The following SLC7A2 variants were observed in gnomAD, a reference collection of about 807,000 sequenced individuals.
SLC7A2 encodes the protein solute carrier family 7 member 2, also known as cationic amino acid transporter 2.
Under a neutral mutation model 58.9 loss-of-function variants are expected in SLC7A2, and 48 were observed. That is an observed-to-expected ratio of 0.82 (90% confidence interval 0.65 to 1.04). The LOEUF is 1.04. Ranked by LOEUF, SLC7A2 falls within the 50% of genes least tolerant of loss-of-function variation. The pLI, the probability that SLC7A2 is intolerant of heterozygous loss-of-function variation, is 0.00. For synonymous variants in SLC7A2, 363 were observed against 314.5 expected (o/e 1.15, Z -1.63); for missense variants, 1,029 against 818.8 (o/e 1.26, Z -3.13).
At chr8:17,500,868 A>G (rs947007898) in intron 1 of SLC7A2, among the ~76,000 whole-genome samples, 5 of 151,996 alleles carry the variant, frequency 3.3e-5, no homozygotes, top group African/African-American at 1.2e-4. Context: ...GTAGGAGTTC[A>G]TTTCCATCAG....
At chr8:17,517,437 T>G (rs1373469750) in intron 2 of SLC7A2, among the ~76,000 whole-genome samples, 1 of 152,196 alleles carries the variant, frequency 6.6e-6, no homozygotes, top group African/African-American at 2.4e-5. Context: ...AATTGTAAAA[T>G]GCACACAAGT....
At chr8:17,528,376 C>T (rs903822257) in intron 2 of SLC7A2, among the ~76,000 whole-genome samples, 4 of 151,946 alleles carry the variant, frequency 2.6e-5, no homozygotes, top group South Asian at 4.2e-4. Context: ...GTGGCCATTA[C>T]GCTTTTTTTG....
chr8:17,561,941 C>T lies in SLC7A2; in HGVS notation c.1505-3C>T, dbSNP rs747004476. Reference sequence around the variant, plus strand: ...ACTCTGTTATCTACACATCCCCCTGCAGCTTTCCTCGTGTTGGGCCTGAGT... The same window carrying T: ...ACTCTGTTATCTACACATCCCCCTGTAGCTTTCCTCGTGTTGGGCCTGAGT... On this transcript the variant is annotated splice_polypyrimidine_tract_variant and splice_region_variant and intron_variant, in intron 10 of 12. Coordinates refer to ENST00000494857, the MANE Select transcript of SLC7A2 (RefSeq NM_001370338.1). 2.5e-6 allele frequency: 4 copies of T among 1,613,760 alleles called. No homozygotes were observed. In the African/African-American group the frequency reaches 5.3e-5, roughly 22 times the overall value.
intron 2 of SLC7A2, among the ~76,000 whole-genome samples, chr8:17,527,853 T>G (rs34999000): frequency 6.6e-5 from 10 of 152,152 alleles, no homozygotes; most frequent in Non-Finnish European, 1.3e-4. Context: ...CTTCAGCATA[T>G]TTTTCTGGAT....
At chr8:17,563,748 A>G in intron 12 of SLC7A2, 37 bp downstream of exon 12, 2 of 1,199,252 alleles carry the variant, frequency 1.7e-6, no homozygotes, top group South Asian at 1.3e-5. Flanking sequence ...TTCCTATTTC[A>G]TGTGCTGTGA....
At chr8:17,525,024 A>G (rs1208341584) in intron 2 of SLC7A2, among the ~76,000 whole-genome samples, 2 of 152,168 alleles carry the variant, frequency 1.3e-5, no homozygotes, top group African/African-American at 4.8e-5. Flanking sequence ...ACAGAGTTGT[A>G]ATCTAACACA....
chr8:17,500,633 A>T (rs1800115774), intron 1 of SLC7A2: 1 of 152,246 alleles, frequency 6.6e-6, no homozygotes, highest in Non-Finnish European at 1.5e-5. Context: ...AAATAAAAAT[A>T]CAAAAATTAG....
In SLC7A2 at chr8:17,567,957, A is replaced by C. The variant is rs1803341188; in HGVS notation, c.*2811A>C. 6.6e-6 allele frequency: 1 copy of C among 152,114 alleles called. No homozygotes were observed. The highest frequency in any genetic ancestry group is 1.5e-5 in the Non-Finnish European group (1 of 68,030). 9.4% of individuals were successfully genotyped at this position (152,114 alleles called of 1,614,324 possible). A position where few individuals can be genotyped will look rare whatever the true frequency, so the allele number is the denominator to read the frequency against. On this transcript the variant is annotated 3_prime_UTR_variant, in exon 13 of 13. Coordinates refer to ENST00000494857, the MANE Select transcript of SLC7A2 (RefSeq NM_001370338.1). ...TGGTAGGTGTTTATTAGCAAAAGTC[A>C]GTATCACCAGCTCTTTGGCACCTTT...
chr8:17,506,592 C>A (rs575782764), intron 2 of SLC7A2, among the ~76,000 whole-genome samples: 2 of 152,172 alleles, frequency 1.3e-5, no homozygotes, highest in Admixed American at 1.3e-4. Context: ...CATTTTAGAA[C>A]GCTCTTTTTA....
intron 7 of SLC7A2, among the ~76,000 whole-genome samples, chr8:17,552,238 T>A (rs1802489406): frequency 6.6e-6 from 1 of 151,380 alleles, no homozygotes; most frequent in African/African-American, 2.4e-5. Flanking sequence ...ATGGCATTGA[T>A]ACACACAGAC....
intron 10 of SLC7A2, among the ~76,000 whole-genome samples, chr8:17,561,327 C>T (rs1199360488): frequency 6.6e-6 from 1 of 152,094 alleles, no homozygotes; most frequent in African/African-American, 2.4e-5. Context: ...GCGAAAGGCA[C>T]ATCTTAACAT....
At chr8:17,557,672 A>T (rs1246876493) in intron 8 of SLC7A2, among the ~76,000 whole-genome samples, 1 of 151,116 alleles carries the variant, frequency 6.6e-6, no homozygotes. Context: ...TACGAAAAAT[A>T]CAAAAATTAG....
chr8:17,504,199 T>C (rs1395239160), intron 2 of SLC7A2, among the ~76,000 whole-genome samples: 4 of 152,170 alleles, frequency 2.6e-5, no homozygotes, highest in Admixed American at 2.6e-4. Flanking sequence ...GCTGAGTGTT[T>C]AGTGAGCCTC....
chr8:17,520,313 C>T (rs1023222601), intron 2 of SLC7A2, among the ~76,000 whole-genome samples: 2 of 151,944 alleles, frequency 1.3e-5, no homozygotes, highest in Non-Finnish European at 2.9e-5. Context: ...TGTATATATA[C>T]ATAAAATGCA....
chr8:17,513,913 A>C (rs1228909441), intron 2 of SLC7A2, among the ~76,000 whole-genome samples: 1 of 152,232 alleles, frequency 6.6e-6, no homozygotes, highest in Non-Finnish European at 1.5e-5. Context: ...TTCTACCTCT[A>C]AAAAAGTAGC....
rs762856452 is a variant in SLC7A2 at position 17,554,579 on chromosome 8, C to G, written c.1075C>G (p.Pro359Ala). The part of the protein sequence containing the change: ...LSTSLLGSIF[P>A]MPRVIYAMAE... The stretch of plus-strand genomic sequence containing the variant: ...ATTCAGTCTTCTTGGATCCATTTTC[C>G]CAATGCCTCGTGTAATCTATGCTAT... The change falls in exon 8 of 13, where the codon CCA becomes GCA. Residue 359 changes from proline (P) to alanine (A), a missense_variant. By Grantham distance (27) the Pro-to-Ala change is conservative. Coordinates refer to ENST00000494857, the MANE Select transcript of SLC7A2 (RefSeq NM_001370338.1). The G allele has an allele frequency of 6.2e-7, 1 of 1,602,770 alleles. No individual in the cohort carries two copies. The highest frequency in any genetic ancestry group is 8.5e-7 in the Non-Finnish European group (1 of 1,176,672).
At position 17,543,367 on chromosome 8, in the gene SLC7A2, T is replaced by A; in HGVS notation, c.28T>A (p.Phe10Ile). 6.2e-7 allele frequency: 1 copy of A among 1,614,028 alleles called. No homozygotes were observed. The highest frequency in any genetic ancestry group is 8.5e-7 in the Non-Finnish European group (1 of 1,179,976). Residue 10 changes from phenylalanine to isoleucine, a missense_variant, in exon 3 of 13, where the codon TTT becomes ATT. Physicochemically the swap from Phe to Ile is conservative, Grantham distance 21. Coordinates refer to ENST00000494857, the MANE Select transcript of SLC7A2 (RefSeq NM_001370338.1). The stretch of plus-strand genomic sequence containing the variant: ...GATTCCTTGCAGAGCCGCGCTGACC[T>A]TTGCCCGATGTCTGATCCGGAGAAA... Reference protein sequence around the residue: MIPCRAALTFARCLIRRKIV... With the variant: MIPCRAALTIARCLIRRKIV...
At chr8:17,530,418 G>A (rs1801400757) in intron 2 of SLC7A2, among the ~76,000 whole-genome samples, 1 of 152,134 alleles carries the variant, frequency 6.6e-6, no homozygotes, top group South Asian at 2.1e-4. Context: ...GGTAGTAGGA[G>A]GACAAACTGG....
rs756595149 is a variant in SLC7A2, at chr8:17,543,578, T to A, written c.239T>A (p.Val80Glu). The change falls in exon 3 of 13, where the codon GTG (valine) becomes GAG (glutamate). Residue 80 changes from valine (V) to glutamate (E), a missense_variant. Val to Glu is a moderately radical substitution (Grantham distance 121, BLOSUM62 -2). Transcript: ENST00000494857. The part of the protein sequence containing the change: ...VSFLIAALAS[V>E]MAGLCYAEFG... ...TTCCTCATTGCTGCCCTGGCTTCAG[T>A]GATGGCTGGCCTCTGCTATGCCGAA... is the stretch of plus-strand genomic sequence containing the variant. 2.2e-5 allele frequency: 35 copies of A among 1,610,904 alleles called. No individual in the cohort carries two copies. The highest frequency in any genetic ancestry group is 2.7e-5 in the Non-Finnish European group (32 of 1,178,558).
Sources: gnomAD v4.1 joint callset for allele counts (sites outside exome capture counted in the v4.1 genomes callset) on GRCh38, gnomAD v4.1.1 for gene constraint, MANE v1.5 for transcripts, NCBI Gene and HGNC (gene_info 2026-07-23, HGNC 2026-07-21) for gene names.